Variants in FANCC observed in about 807,000 individuals in gnomAD.
FANCC encodes the protein Fanconi anemia group C protein.
Under a neutral mutation model 71.3 loss-of-function variants are expected in FANCC, and 55 were observed. The observed-to-expected ratio is 0.77, with a 90% CI of 0.62 to 0.97. The LOEUF (loss-of-function observed/expected upper bound fraction) is 0.97, where lower values mean the gene tolerates loss of function less well. Ranked by LOEUF, FANCC falls within the 50% of genes least tolerant of loss-of-function variation. The pLI is 0.00. For synonymous variants in FANCC, 275 were observed against 244.9 expected, an observed-to-expected ratio of 1.12 and a Z score of -1.15; for missense variants, 678 against 670.9, an observed-to-expected ratio of 1.01 and a Z score of -0.12.
intron 10 of FANCC, among the ~76,000 whole-genome samples, chr9:95,122,465 G>C (rs1212564788): frequency 6.6e-6 from 1 of 152,152 alleles, no homozygotes; most frequent in African/African-American, 2.4e-5. Context: ...ACCTATGCAG[G>C]CATTGGCAAA....
intron 1 of FANCC, among the ~76,000 whole-genome samples, chr9:95,305,703 A>G: frequency 6.6e-6 from 1 of 152,248 alleles, no homozygotes; most frequent in South Asian, 2.1e-4. Flanking sequence ...TTGCATTCCT[A>G]CAATTCAAAG....
chr9:95,169,250 C>T (rs758369829), intron 6 of FANCC, among the ~76,000 whole-genome samples: 36 of 152,144 alleles, frequency 2.4e-4, no homozygotes, highest in Non-Finnish European at 4.0e-4. Flanking sequence ...TTAGTTTTGT[C>T]GTTGCATCTC....
At chr9:95,135,659 C>G in intron 7 of FANCC, 157 bp from the exon 8 acceptor site, 1 of 653,600 alleles carries the variant, frequency 1.5e-6, no homozygotes, top group Non-Finnish European at 2.7e-6. Flanking sequence ...GAATATTTAC[C>G]AAGTGCTCAT....
chr9:95,231,687 G>A (rs556438789), intron 4 of FANCC, among the ~76,000 whole-genome samples: 1 of 152,336 alleles, frequency 6.6e-6, no homozygotes, highest in South Asian at 2.1e-4. Flanking sequence ...AAAGTTCCAA[G>A]TGTGGAGAAC....
At chr9:95,111,005 C>T in intron 13 of FANCC, 1 of 1,434,010 alleles carries the variant, frequency 7.0e-7, no homozygotes, top group Non-Finnish European at 9.1e-7. Context: ...ATGTGAGGAT[C>T]TGTTGACTGA....
chr9:95,188,604 T>G (rs1249338509), intron 4 of FANCC, among the ~76,000 whole-genome samples: 1 of 152,158 alleles, frequency 6.6e-6, no homozygotes, highest in Non-Finnish European at 1.5e-5. Flanking sequence ...TAATTTCAAA[T>G]CTTCCTACTC....
chr9:95,248,443 CATATT>C (rs957012919), intron 2 of FANCC, among the ~76,000 whole-genome samples: 5 of 152,132 alleles, frequency 3.3e-5, no homozygotes, highest in Non-Finnish European at 7.4e-5. Context: ...CATATGAACT[CATATT>C]ATCAATACAA....
intron 1 of FANCC, among the ~76,000 whole-genome samples, chr9:95,316,578 C>G (rs1189148326): frequency 6.6e-6 from 1 of 152,122 alleles, no homozygotes; most frequent in African/African-American, 2.4e-5. Context: ...TTAAATGGGG[C>G]ACAAGTTAGA....
chr9:95,308,320 C>A (rs894734653), intron 1 of FANCC, among the ~76,000 whole-genome samples: 2 of 151,874 alleles, frequency 1.3e-5, no homozygotes, highest in African/African-American at 4.8e-5. Flanking sequence ...TCACAGATCA[C>A]CGCTTTTTGT....
At chr9:95,263,753 T>C (rs1160455926) in intron 1 of FANCC, among the ~76,000 whole-genome samples, 1 of 152,144 alleles carries the variant, frequency 6.6e-6, no homozygotes, top group Non-Finnish European at 1.5e-5. Context: ...AGTTTTACCC[T>C]TGTGAACCTC....
rs543045190 is a variant in FANCC, at chr9:95,196,422, G to A, written c.346-24275C>T. Among the ~76,000 whole-genome samples the A allele has an allele frequency of 2.0e-5, 3 of 152,076 alleles. No individual in the cohort carries two copies. In the South Asian group the frequency reaches 6.2e-4, roughly 32 times the overall value. ...ACTGATTGATTTATAATATTTTAAA[G>A]TCTGAGTCTTAACGCTAATATCTGG... On this transcript the variant is annotated intron_variant, in intron 4 of 14. Transcript: ENST00000289081.
At chr9:95,309,377 G>A (rs1004528928) in intron 1 of FANCC, among the ~76,000 whole-genome samples, 5 of 152,104 alleles carry the variant, frequency 3.3e-5, no homozygotes, top group Non-Finnish European at 5.9e-5. Context: ...CCTAGCTAAC[G>A]GCTTCAAGCA....
chr9:95,125,231 G>C, intron 9 of FANCC, 46 bp from the exon 10 acceptor site: 1 of 1,511,706 alleles, frequency 6.6e-7, no homozygotes, highest in Non-Finnish European at 9.2e-7. Flanking sequence ...CAAGTAATCC[G>C]GCAAACATGA....
At chr9:95,226,512 C>G (rs1457738949) in intron 4 of FANCC, among the ~76,000 whole-genome samples, 1 of 152,188 alleles carries the variant, frequency 6.6e-6, no homozygotes, top group Non-Finnish European at 1.5e-5. Flanking sequence ...CCCAGGAACA[C>G]GGCAGACAGG....
At chr9:95,200,691 T>C (rs1254609971) in intron 4 of FANCC, among the ~76,000 whole-genome samples, 1 of 152,188 alleles carries the variant, frequency 6.6e-6, no homozygotes, top group Non-Finnish European at 1.5e-5. Context: ...ATATATGAAT[T>C]TGCTTCAAAA....
At chr9:95,252,721 G>A (rs535012678) in intron 1 of FANCC, among the ~76,000 whole-genome samples, 1 of 144,934 alleles carries the variant, frequency 6.9e-6, no homozygotes, top group Non-Finnish European at 1.5e-5. Context: ...CTCCAGCCTG[G>A]GCAACAGAGC....
chr9:95,196,292 ATTT>A (rs749266359), intron 4 of FANCC, among the ~76,000 whole-genome samples: 1 of 149,376 alleles, frequency 6.7e-6, no homozygotes, highest in East Asian at 2.0e-4. Context: ...TTATTGGGAG[ATTT>A]TTTTTTTAAA....
chr9:95,110,893 C>G, intron 13 of FANCC: 1 of 1,266,532 alleles, frequency 7.9e-7, no homozygotes, highest in Non-Finnish European at 1.0e-6. Context: ...CAGTCCCATA[C>G]TTAGCTGCTC....
intron 4 of FANCC, among the ~76,000 whole-genome samples, chr9:95,229,369 C>T (rs1206197684): frequency 6.6e-6 from 1 of 151,066 alleles, no homozygotes; most frequent in Non-Finnish European, 1.5e-5. Context: ...CTGCAATGTT[C>T]CTGGAGAGGG....
Sources: gnomAD v4.1 joint callset for allele counts (sites outside exome capture counted in the v4.1 genomes callset) on GRCh38, gnomAD v4.1.1 for gene constraint, MANE v1.5 for transcripts, NCBI Gene and HGNC (gene_info 2026-07-23, HGNC 2026-07-21) for gene names.